WIPF2: variants seen among roughly 807,000 people sequenced by gnomAD.
WIPF2 encodes WAS/WASL-interacting protein family member 2.
In WIPF2, 23 loss-of-function variants were observed where a neutral mutation model predicts 38.8. That is an observed-to-expected ratio of 0.59 (90% CI 0.43 to 0.84). WIPF2 has a LOEUF of 0.84. WIPF2 is among the 40% of genes least tolerant of loss of function. The probability of loss-of-function intolerance (pLI) is 0.00; values close to 1 mark genes in which losing one functional copy is unlikely to be tolerated. For missense variants in WIPF2, 574 were observed against 580.5 expected, an observed-to-expected ratio of 0.99 and a Z score of 0.11; for synonymous variants, 210 against 223.2, an observed-to-expected ratio of 0.94 and a Z score of 0.53.
intron 1 of WIPF2, among the ~76,000 whole-genome samples, chr17:40,237,333 T>G (rs1258459807): frequency 6.7e-6 from 1 of 150,364 alleles, no homozygotes; most frequent in East Asian, 2.0e-4. Context: ...CTCCGCCTCC[T>G]GGGTTCAAGG....
intron 1 of WIPF2, among the ~76,000 whole-genome samples, chr17:40,250,626 A>G (rs547561086): frequency 9.5e-4 from 144 of 152,184 alleles, no homozygotes; most frequent in Admixed American, 1.9e-3. Flanking sequence ...GGCAGCCTCA[A>G]GATGTTTCTG....
chr17:40,246,311 C>T (rs2031360705), intron 1 of WIPF2, among the ~76,000 whole-genome samples: 1 of 151,906 alleles, frequency 6.6e-6, no homozygotes. Context: ...GTCTCGAACT[C>T]CAGACCTTAA....
At chr17:40,227,058 TTGAGACAG>T (rs1258242166) in intron 1 of WIPF2, among the ~76,000 whole-genome samples, 2 of 151,696 alleles carry the variant, frequency 1.3e-5, no homozygotes, top group South Asian at 4.2e-4. Context: ...TTATTTTTTT[TTGAGACAG>T]AGTTTCACTG....
rs186677111 is a variant in WIPF2 at position 40,260,483 on chromosome 17, G to A, written c.64-52G>A. 8.3e-5 allele frequency: 133 copies of A among 1,597,000 alleles called. 2 individuals carry two copies. The highest frequency in any genetic ancestry group is 7.5e-4 in the Admixed American group (44 of 59,000). ...ATTACAGGCGTGAGCCACCGCACCC[G>A]GCCGATAAAGGGAACTCTTTAGGGT... On this transcript the variant is annotated intron_variant, in intron 2 of 7. Transcript: ENST00000323571.
intron 1 of WIPF2, among the ~76,000 whole-genome samples, chr17:40,225,444 C>T (rs544505128): frequency 3.3e-5 from 5 of 152,154 alleles, no homozygotes; most frequent in East Asian, 1.9e-4. Flanking sequence ...GATTTTGGCT[C>T]ATTTTGGCTT....
intron 3 of WIPF2, 39 bp downstream of exon 3, chr17:40,260,706 C>T (rs1177914915): frequency 6.2e-7 from 1 of 1,613,172 alleles, no homozygotes; most frequent in Non-Finnish European, 8.5e-7. Flanking sequence ...CTGGCAGGAT[C>T]CCAGGAGTGA....
At chr17:40,276,436 G>A (rs923867089) in intron 6 of WIPF2, among the ~76,000 whole-genome samples, 2 of 140,080 alleles carry the variant, frequency 1.4e-5, no homozygotes, top group Non-Finnish European at 3.0e-5. Context: ...CAGGAGAATC[G>A]CTTGAACTTG....
intron 1 of WIPF2, among the ~76,000 whole-genome samples, chr17:40,248,170 T>C (rs2031435828): frequency 2.2e-5 from 3 of 134,630 alleles, no homozygotes; most frequent in Non-Finnish European, 4.8e-5. Context: ...TTTCTTTTTT[T>C]TTTTTTTTTT....
chr17:40,254,454 G>C (rs2031657564), intron 1 of WIPF2, among the ~76,000 whole-genome samples: 1 of 152,036 alleles, frequency 6.6e-6, no homozygotes, highest in African/African-American at 2.4e-5. Context: ...TCCATTTTTT[G>C]GGGGGAGGGG....
chr17:40,234,272 C>G (rs1196118151), intron 1 of WIPF2, among the ~76,000 whole-genome samples: 1 of 150,440 alleles, frequency 6.6e-6, no homozygotes, highest in Non-Finnish European at 1.5e-5. Flanking sequence ...GAGGCGCACG[C>G]CTGTAGTCCT....
In WIPF2 at chr17:40,225,726, T is replaced by C. The variant is rs1332973062; in HGVS notation, c.-70+6234T>C. The stretch of plus-strand genomic sequence containing the variant: ...CAGGCTGGAGTGTGGCGGCGTGATC[T>C]GTAGCCTCGACCTCCCCAGGCTCAG... On this transcript the variant is annotated intron_variant, in intron 1 of 7. Transcript: ENST00000323571. Among the ~76,000 whole-genome samples the C allele has an allele frequency of 1.2e-4, 18 of 152,168 alleles. 1 individual carries two copies. The highest frequency in any genetic ancestry group is 1.5e-5 in the Non-Finnish European group (1 of 68,028).
At chr17:40,232,465 C>T (rs2145294765) in intron 1 of WIPF2, among the ~76,000 whole-genome samples, 1 of 150,042 alleles carries the variant, frequency 6.7e-6, no homozygotes, top group East Asian at 2.0e-4. Flanking sequence ...GCTGGGATTA[C>T]AGGCATGAGT....
chr17:40,220,630 TA>T (rs1206840412), intron 1 of WIPF2: 11 of 127,998 alleles, frequency 8.6e-5, no homozygotes, highest in South Asian at 2.4e-4. Context: ...TATATATATA[TA>T]TTTTTTTGTT....
In WIPF2 at chr17:40,275,568, GA is replaced by G. The variant is rs1229090454; in HGVS notation, c.1181-1514del. 2.0e-5 allele frequency among the ~76,000 whole-genome samples: 3 copies of G among 147,218 alleles called. No homozygotes were observed. The South Asian group carries it at 6.4e-4, about 31-fold the overall frequency. On this transcript the variant is annotated intron_variant, in intron 6 of 7. Transcript: ENST00000323571. ...GGTCCCTTGCAACCCTAACACTCTA[GA>G]TTTTTTTTTTTTGAGATAGCGTCTT...
At chr17:40,232,889 C>T (rs1343031505) in intron 1 of WIPF2, among the ~76,000 whole-genome samples, 21 of 151,122 alleles carry the variant, frequency 1.4e-4, no homozygotes, top group African/African-American at 4.9e-4. Flanking sequence ...CTGCCCGCCT[C>T]GGCCTCCCAA....
intron 1 of WIPF2, among the ~76,000 whole-genome samples, chr17:40,240,327 A>T (rs1392820016): frequency 6.6e-6 from 1 of 151,546 alleles, no homozygotes; most frequent in Non-Finnish European, 1.5e-5. Context: ...GGCCTCCCAA[A>T]CTTCTGGGAT....
chr17:40,231,398 A>G (rs1486552705), intron 1 of WIPF2, among the ~76,000 whole-genome samples: 2 of 142,078 alleles, frequency 1.4e-5, no homozygotes, highest in South Asian at 2.3e-4. Flanking sequence ...TTTTCCTTCT[A>G]TCTGACTGTT....
Position 40,262,529 on chromosome 17 carries a change from G to T in WIPF2, c.201G>T (p.Pro67=). The change falls in exon 4 of 8, where the codon CCG becomes CCT. Residue 67 remains proline, a synonymous_variant. Transcript: ENST00000323571. ...CCCTACTGGTATGCTTTCCAGAGCC[G>T]AAAGGAAGCAGTGGTGGCTATGGCT... The part of the protein sequence containing the change: ...NDRSAPILEK[P]KGSSGGYGSG... The T allele has an allele frequency of 6.2e-7, 1 of 1,613,636 alleles. No homozygotes were observed. The highest frequency in any genetic ancestry group is 8.5e-7 in the Non-Finnish European group (1 of 1,179,682).
chr17:40,271,355 T>C (rs547162602), intron 5 of WIPF2, among the ~76,000 whole-genome samples: 1 of 152,342 alleles, frequency 6.6e-6, no homozygotes, highest in East Asian at 1.9e-4. Context: ...GTCACAACTA[T>C]TTATTGGGCC....
Sources: allele counts gnomAD v4.1 joint callset (sites outside exome capture counted in the v4.1 genomes callset), GRCh38; gene constraint gnomAD v4.1.1; transcripts MANE v1.5; gene names NCBI Gene and HGNC (gene_info 2026-07-23, HGNC 2026-07-21).